SLIT3: variants seen among roughly 807,000 people sequenced by gnomAD.
SLIT3 encodes slit guidance ligand 3, also known as slit homolog 3 protein.
Under a neutral mutation model 184.0 loss-of-function variants are expected in SLIT3, and 68 were observed. That is an observed-to-expected ratio of 0.37 (90% CI 0.30 to 0.45). The LOEUF (loss-of-function observed/expected upper bound fraction) is 0.45, where lower values mean the gene tolerates loss of function less well. SLIT3 is among the 20% of genes least tolerant of loss of function. SLIT3 has a pLI of 1.00. For missense variants in SLIT3, 1,707 were observed against 2,026.0 expected (o/e 0.84, Z 3.02); for synonymous variants, 831 against 828.6 (o/e 1.00, Z -0.05).
At chr5:168,783,794 T>C (rs898312721) in intron 12 of SLIT3, among the ~76,000 whole-genome samples, 1 of 152,178 alleles carries the variant, frequency 6.6e-6, no homozygotes, top group African/African-American at 2.4e-5. Flanking sequence ...TGACAGCTAC[T>C]TGAGTCCCAG....
At chr5:168,674,330 G>C (rs1000558260) in intron 32 of SLIT3, among the ~76,000 whole-genome samples, 2 of 152,198 alleles carry the variant, frequency 1.3e-5, no homozygotes, top group Admixed American at 6.5e-5. Context: ...AATCTGAAAA[G>C]CTCCAAAAGC....
rs528540098 is a variant in SLIT3 at position 168,737,419 on chromosome 5, G to A, written c.2270+10883C>T. Among the ~76,000 whole-genome samples the A allele has an allele frequency of 2.6e-4, 39 of 152,194 alleles. No homozygotes were observed. The South Asian group carries it at 8.1e-3, about 32-fold the overall frequency. Reference sequence around the variant, plus strand: ...CCCTGTGCCCTCCTACCTCCTGGTTGAGCCCCATCCTTTTCCTGTCTCCTG... The same window carrying A: ...CCCTGTGCCCTCCTACCTCCTGGTTAAGCCCCATCCTTTTCCTGTCTCCTG... On this transcript the variant is annotated intron_variant, in intron 20 of 35. Transcript: ENST00000519560.
intron 4 of SLIT3, among the ~76,000 whole-genome samples, chr5:169,029,030 C>T (rs1056186667): frequency 6.6e-6 from 1 of 152,176 alleles, no homozygotes; most frequent in African/African-American, 2.4e-5. Context: ...GTATAATCAA[C>T]AGAAGAGGGG....
intron 5 of SLIT3, among the ~76,000 whole-genome samples, chr5:168,869,727 T>C (rs569739575): frequency 4.5e-4 from 69 of 152,312 alleles, no homozygotes; most frequent in Admixed American, 7.8e-4. Flanking sequence ...TGGGAAATCT[T>C]GGAACTGCTA....
chr5:169,115,545 C>G lies in SLIT3; in HGVS notation c.413+77934G>C, dbSNP rs189370200. ...CACAGGCACATGTATGGAAGCCAGG[C>G]CAGGGAGGGATTCCACAGGCAGACC... On this transcript the variant is annotated intron_variant, in intron 4 of 35. Coordinates refer to ENST00000519560, the MANE Select transcript of SLIT3 (RefSeq NM_003062.4). 1.3e-3 allele frequency among the ~76,000 whole-genome samples: 200 copies of G among 152,188 alleles called. 2 individuals carry two copies. The highest frequency in any genetic ancestry group is 4.7e-3 in the African/African-American group (194 of 41,530).
chr5:169,211,528 C>CT (rs1245614084), intron 3 of SLIT3, among the ~76,000 whole-genome samples: 2 of 152,170 alleles, frequency 1.3e-5, no homozygotes, highest in African/African-American at 4.8e-5. Flanking sequence ...CTCCTACTCT[C>CT]TCACTCTACT....
Position 169,293,435 on chromosome 5 carries a change from A to G in SLIT3, c.197+7078T>C, listed in dbSNP as rs561469700. On this transcript the variant is annotated intron_variant, in intron 1 of 35. Coordinates refer to ENST00000519560, the MANE Select transcript of SLIT3 (RefSeq NM_003062.4). Reference sequence around the variant, plus strand: ...AACTTGGACAAATGGACCTCTTCCAACGCTGACGATCTGTATTTTTCTTAA... The same window carrying G: ...AACTTGGACAAATGGACCTCTTCCAGCGCTGACGATCTGTATTTTTCTTAA... Among the ~76,000 whole-genome samples, 3 of 152,130 alleles carry G rather than the reference A, an allele frequency of 2.0e-5. No homozygotes were observed. In the East Asian group the frequency reaches 5.8e-4, roughly 29 times the overall value.
intron 1 of SLIT3, among the ~76,000 whole-genome samples, chr5:169,282,919 C>T (rs974382144): frequency 6.6e-6 from 1 of 152,164 alleles, no homozygotes; most frequent in Non-Finnish European, 1.5e-5. Context: ...CAAAAAGCAC[C>T]CCCAAATCAT....
chr5:168,786,561 A>C (rs1756161084), intron 11 of SLIT3, among the ~76,000 whole-genome samples: 1 of 152,058 alleles, frequency 6.6e-6, no homozygotes, highest in Non-Finnish European at 1.5e-5. Context: ...GGCAGCTTTT[A>C]CTTTCTATCC....
chr5:168,798,921 C>G (rs780318661), intron 9 of SLIT3, among the ~76,000 whole-genome samples: 1 of 152,132 alleles, frequency 6.6e-6, no homozygotes, highest in Non-Finnish European at 1.5e-5. Context: ...AGTCACTTGC[C>G]CAAATTCACA....
chr5:169,294,980 G>T (rs1767458125), intron 1 of SLIT3, among the ~76,000 whole-genome samples: 1 of 152,194 alleles, frequency 6.6e-6, no homozygotes, highest in Admixed American at 6.5e-5. Context: ...CATTTACCAG[G>T]AATAAAGCTT....
chr5:169,122,436 A>G (rs547431991), intron 4 of SLIT3, among the ~76,000 whole-genome samples: 1 of 152,202 alleles, frequency 6.6e-6, no homozygotes, highest in African/African-American at 2.4e-5. Context: ...TACCTGGAGT[A>G]TTTTTTGGCT....
chr5:168,792,077 G>C (rs1756395331), intron 10 of SLIT3: 1 of 152,204 alleles, frequency 6.6e-6, no homozygotes, highest in Non-Finnish European at 1.5e-5. Flanking sequence ...TAAGTGACTG[G>C]ACACAGCCAT....
At chr5:169,123,023 A>T (rs1760939833) in intron 4 of SLIT3, among the ~76,000 whole-genome samples, 1 of 152,200 alleles carries the variant, frequency 6.6e-6, no homozygotes, top group South Asian at 2.1e-4. Context: ...CAAAATGATT[A>T]ATGGGAAAAA....
chr5:169,118,255 A>T (rs1760762335), intron 4 of SLIT3, among the ~76,000 whole-genome samples: 2 of 152,174 alleles, frequency 1.3e-5, no homozygotes, highest in Non-Finnish European at 2.9e-5. Flanking sequence ...GTATTTCCTC[A>T]ATAATTTGTA....
At chr5:169,286,472 C>A (rs1288986361) in intron 1 of SLIT3, among the ~76,000 whole-genome samples, 2 of 152,236 alleles carry the variant, frequency 1.3e-5, no homozygotes, top group African/African-American at 4.8e-5. Flanking sequence ...CAGGTCTAAA[C>A]CCCAAATCCC....
intron 4 of SLIT3, among the ~76,000 whole-genome samples, chr5:168,971,288 T>C (rs1754567797): frequency 6.6e-6 from 1 of 152,098 alleles, no homozygotes; most frequent in South Asian, 2.1e-4. Context: ...GGACACGTGG[T>C]TTTCATGCTT....
chr5:169,261,537 C>T (rs1766177954), intron 1 of SLIT3, among the ~76,000 whole-genome samples: 1 of 152,024 alleles, frequency 6.6e-6, no homozygotes, highest in South Asian at 2.1e-4. Flanking sequence ...CATCTCCTTT[C>T]CTTTTTTTAA....
At chr5:168,820,216 G>A (rs1434007800) in intron 7 of SLIT3, among the ~76,000 whole-genome samples, 1 of 152,180 alleles carries the variant, frequency 6.6e-6, no homozygotes, top group African/African-American at 2.4e-5. Context: ...AACGACACAA[G>A]GGAGGGTGGC....
Sources: gnomAD v4.1 joint callset for allele counts (sites outside exome capture counted in the v4.1 genomes callset) on GRCh38, gnomAD v4.1.1 for gene constraint, MANE v1.5 for transcripts, NCBI Gene and HGNC (gene_info 2026-07-23, HGNC 2026-07-21) for gene names.